The following ARHGEF40 variants were observed in gnomAD, a reference collection of about 807,000 sequenced individuals.
The protein encoded by ARHGEF40 is Rho guanine nucleotide exchange factor 40, also known as Rho guanine nucleotide exchange factor (GEF) 40.
A neutral mutation model predicts 165.9 loss-of-function variants in ARHGEF40; 98 were observed. The ratio of observed to expected loss-of-function variants is 0.59; its 90% CI spans 0.50 to 0.70. The LOEUF is 0.70. Ranked by LOEUF, ARHGEF40 falls within the 30% of genes least tolerant of loss-of-function variation. The pLI is 0.00. For missense variants in ARHGEF40, 1,815 were observed against 1,968.0 expected (o/e 0.92, Z 1.47); for synonymous variants, 792 against 814.3 (o/e 0.97, Z 0.47).
chr14:21,081,043 GC>G (rs535597382), intron 13 of ARHGEF40, 27 bp downstream of exon 13: 117 of 1,596,128 alleles, frequency 7.3e-5, no homozygotes, highest in Non-Finnish European at 9.7e-5. Flanking sequence ...TTCCTTCTGT[GC>G]CCCCCCATTT....
chr14:21,085,990 G>A, intron 19 of ARHGEF40, 124 bp downstream of exon 19: 1 of 1,129,386 alleles, frequency 8.9e-7, no homozygotes, highest in South Asian at 1.6e-5. Context: ...CTTATAATAA[G>A]ATTCAAGATT....
At chr14:21,078,333 T>C in intron 9 of ARHGEF40, 40 bp from the exon 10 acceptor site, 1 of 1,597,586 alleles carries the variant, frequency 6.3e-7, no homozygotes, top group Non-Finnish European at 8.5e-7. Flanking sequence ...GTGGAGACTC[T>C]CTGGTGGAAC....
intron 16 of ARHGEF40, 72 bp from the exon 17 acceptor site, chr14:21,083,762 AC>A (rs1190915997): frequency 6.3e-6 from 9 of 1,420,502 alleles, no homozygotes; most frequent in South Asian, 2.6e-5. Context: ...TCACCCACCT[AC>A]CCCCCAACCC....
At chr14:21,087,811 T>A in intron 21 of ARHGEF40, 157 bp from the exon 22 acceptor site, 1 of 967,066 alleles carries the variant, frequency 1.0e-6, no homozygotes, top group Non-Finnish European at 1.6e-6. Flanking sequence ...GACAATTTCC[T>A]GCCTCTTGGT....
Position 21,086,361 on chromosome 14 carries a change from G to T in ARHGEF40, c.4138+495G>T, listed in dbSNP as rs533703499. 1.6e-4 allele frequency: 25 copies of T among 154,780 alleles called. No homozygotes were observed. The South Asian group carries it at 4.7e-3, about 29-fold the overall frequency. 9.6% of individuals were successfully genotyped at this position (154,780 alleles called of 1,614,324 possible). On this transcript the variant is annotated intron_variant, in intron 19 of 23. Transcript: ENST00000298694. ...ACTGTACTTGAGCCTGAGTGACAGA[G>T]CAAGACTCTGTCTTTAAAGGATTTT...
chr14:21,081,656 G>A lies in ARHGEF40; in HGVS notation c.2788G>A (p.Gly930Ser), dbSNP rs1290304543. ...QEMRALALDL[G>S]SPAALREWGR... The stretch of plus-strand genomic sequence containing the variant: ...GATGCGGGCCCTGGCCCTGGACCTG[G>A]GCAGCCCAGCAGCCCTGCGAGAATG... Residue 930 changes from glycine (G) to serine (S), a missense_variant, in exon 14 of 24, where the codon GGC becomes AGC. Transcript: ENST00000298694. 1 of 1,605,794 alleles carries A rather than the reference G, an allele frequency of 6.2e-7. No homozygotes were observed. Among genetic ancestry groups the A allele is most frequent in the Non-Finnish European group, 8.5e-7 (1 of 1,176,762 alleles).
chr14:21,071,668 C>T (rs192950455), intron 1 of ARHGEF40, among the ~76,000 whole-genome samples: 1 of 152,002 alleles, frequency 6.6e-6, no homozygotes, highest in Non-Finnish European at 1.5e-5. Flanking sequence ...GCCATGAGCT[C>T]ACCGCCCCTA....
chr14:21,079,959 G>A (rs1301073271), intron 11 of ARHGEF40, among the ~76,000 whole-genome samples: 2 of 152,024 alleles, frequency 1.3e-5, no homozygotes, highest in East Asian at 1.9e-4. Flanking sequence ...TATAGAATGC[G>A]GATGGTAACA....
In ARHGEF40 at chr14:21,070,899, G is replaced by C. The variant is rs769845058; in HGVS notation, c.3+500G>C. On this transcript the variant is annotated intron_variant, in intron 1 of 23. Coordinates refer to ENST00000298694, the MANE Select transcript of ARHGEF40 (RefSeq NM_018071.5). The surrounding 1 kb of genome is among the most constrained non-coding windows in gnomAD (Gnocchi z 4.7). Reference sequence around the variant, plus strand: ...CAGGCCCACCCATCCGGCCCTAGGGGACTGGCCACAGCTGTGGCTGGGCCG... The same window carrying C: ...CAGGCCCACCCATCCGGCCCTAGGGCACTGGCCACAGCTGTGGCTGGGCCG... The C allele has an allele frequency of 1.2e-5, 18 of 1,530,586 alleles. No homozygotes were observed. In the South Asian group the frequency reaches 2.0e-4, roughly 17 times the overall value. The allele number at this position is 1,530,586 out of a possible 1,614,324, so 94.8% of individuals were successfully genotyped here.
Position 21,075,264 on chromosome 14 carries a change from T to G in ARHGEF40, c.1451-68T>G, listed in dbSNP as rs1264933481. The G allele has an allele frequency of 1.9e-6, 3 of 1,597,096 alleles. No homozygotes were observed. The highest frequency in any genetic ancestry group is 2.6e-6 in the Non-Finnish European group (3 of 1,172,002). Reference sequence around the variant, plus strand: ...GAGGGGGCAGGAGGAGGAGCAGGGTTAGGCTGGGAGCAGAACAACCAGAAC... The same window carrying G: ...GAGGGGGCAGGAGGAGGAGCAGGGTGAGGCTGGGAGCAGAACAACCAGAAC... On this transcript the variant is annotated intron_variant, in intron 3 of 23. Transcript: ENST00000298694. The surrounding 1 kb of genome is among the most constrained non-coding windows in gnomAD (Gnocchi z 4.5).
chr14:21,074,320 A>G lies in ARHGEF40; in HGVS notation c.590A>G (p.Gln197Arg). Reference sequence around the variant, plus strand: ...AAAGAGGGCCTCATGGTTGGACATCAGCCAAGTACACTGCCCCCAGAACTG... The same window carrying G: ...AAAGAGGGCCTCATGGTTGGACATCGGCCAAGTACACTGCCCCCAGAACTG... ...VHKEGLMVGH[Q>R]PSTLPPELPS... The change falls in exon 3 of 24, where the codon CAG becomes CGG. Residue 197 changes from glutamine (Q) to arginine (R), a missense_variant. Transcript: ENST00000298694. This position sits in a 1 kb window ranked among gnomAD's most constrained non-coding sequence, Gnocchi z 4.8. The G allele has an allele frequency of 6.2e-7, 1 of 1,614,128 alleles. No individual in the cohort carries two copies. The highest frequency in any genetic ancestry group is 8.5e-7 in the Non-Finnish European group (1 of 1,180,004).
rs1887295361 is a variant in ARHGEF40 at position 21,075,089 on chromosome 14, G to C, written c.1359G>C (p.Glu453Asp). ...CAAAAGAGCTCAAAACAGCAGGCGAGAAAGAGCCTCAGCTCTCTGAAGCCT... is the reference window on the plus strand; with the variant it reads ...CAAAAGAGCTCAAAACAGCAGGCGACAAAGAGCCTCAGCTCTCTGAAGCCT... The part of the protein sequence containing the change: ...SEPKELKTAG[E>D]KEPQLSEACG... Residue 453 changes from glutamate to aspartate, a missense_variant, in exon 3 of 24, where the codon GAG (glutamate) becomes GAC (aspartate). Transcript: ENST00000298694. This position sits in a 1 kb window ranked among gnomAD's most constrained non-coding sequence, Gnocchi z 4.5. The C allele has an allele frequency of 1.9e-6, 3 of 1,614,002 alleles. No individual in the cohort carries two copies. The highest frequency in any genetic ancestry group is 2.2e-5 in the South Asian group (2 of 91,088).
At chr14:21,064,299 C>T in the ARHGEF40 span, among the ~76,000 whole-genome samples, 1 of 146,244 alleles carries the variant, frequency 6.8e-6, no homozygotes, top group African/African-American at 2.5e-5. Flanking sequence ...CACTTGATGC[C>T]TTTTTTTTTT....
At position 21,075,096 on chromosome 14, in the gene ARHGEF40, C is replaced by T. The variant is rs1251789464; in HGVS notation, c.1366C>T (p.Pro456Ser). The change falls in exon 3 of 24, where the codon CCT (proline) becomes TCT (serine). Residue 456 changes from proline (P) to serine (S), a missense_variant. Transcript: ENST00000298694. The surrounding 1 kb of genome is among the most constrained non-coding windows in gnomAD (Gnocchi z 4.5). ...KELKTAGEKE[P>S]QLSEACGPTE... ...GCTCAAAACAGCAGGCGAGAAAGAG[C>T]CTCAGCTCTCTGAAGCCTGTGGGCC... The T allele has an allele frequency of 6.2e-7, 1 of 1,614,048 alleles. No homozygotes were observed. Among genetic ancestry groups the T allele is most frequent in the Admixed American group, 1.7e-5 (1 of 60,024 alleles).
At position 21,074,838 on chromosome 14, in the gene ARHGEF40, G is replaced by A. The variant is rs755535404; in HGVS notation, c.1108G>A (p.Gly370Ser). 6.2e-6 allele frequency: 10 copies of A among 1,609,184 alleles called. No individual in the cohort carries two copies. Among genetic ancestry groups the A allele is most frequent in the South Asian group, 1.1e-5 (1 of 90,540 alleles). ...GGGQGAEGPP[G>S]TPRRTGKGNR... ...AGGCCAGGGGGCTGAAGGACCACCT[G>A]GTACCCCTCGGAGAACAGGCAAAGG... Residue 370 changes from glycine (G) to serine (S), a missense_variant, in exon 3 of 24, where the codon GGT (glycine) becomes AGT (serine). Gly to Ser is a moderately conservative substitution (Grantham distance 56). Coordinates refer to ENST00000298694, the MANE Select transcript of ARHGEF40 (RefSeq NM_018071.5). This position sits in a 1 kb window ranked among gnomAD's most constrained non-coding sequence, Gnocchi z 4.8.
intron 8 of ARHGEF40, among the ~76,000 whole-genome samples, chr14:21,077,754 T>A (rs1369117757): frequency 6.6e-6 from 1 of 152,212 alleles, no homozygotes; most frequent in Non-Finnish European, 1.5e-5. Context: ...AAACATGATC[T>A]GAGCTGAGTA....
chr14:21,076,458 T>A lies in ARHGEF40; in HGVS notation c.1836+2T>A. 6.2e-7 allele frequency: 1 copy of A among 1,614,102 alleles called. No individual in the cohort carries two copies. The highest frequency in any genetic ancestry group is 8.5e-7 in the Non-Finnish European group (1 of 1,180,032). ...ATTCCTGCCTTGAGCCAACTTCAGGTAACCACCCCTCAAACAGGCAGTTCC... is the reference window on the plus strand; with the variant it reads ...ATTCCTGCCTTGAGCCAACTTCAGGAAACCACCCCTCAAACAGGCAGTTCC... On this transcript the variant is annotated splice_donor_variant, in intron 6 of 23. Coordinates refer to ENST00000298694, the MANE Select transcript of ARHGEF40 (RefSeq NM_018071.5). LOFTEE classifies it high-confidence loss of function.
upstream of ARHGEF40, among the ~76,000 whole-genome samples, chr14:21,066,112 A>G (rs1309389496): frequency 6.6e-6 from 1 of 152,060 alleles, no homozygotes. Context: ...AATAACAACA[A>G]CAACAACAAA....
chr14:21,064,616 A>G, the ARHGEF40 span, among the ~76,000 whole-genome samples: 5 of 152,234 alleles, frequency 3.3e-5, no homozygotes, highest in Non-Finnish European at 7.3e-5. Context: ...TGATGCTTTA[A>G]CTAAAGACAA....
Sources: allele counts gnomAD v4.1 joint callset (sites outside exome capture counted in the v4.1 genomes callset), GRCh38; gene constraint gnomAD v4.1.1; non-coding constraint Gnocchi (gnomAD v3.1); transcripts MANE v1.5; gene names NCBI Gene and HGNC (gene_info 2026-07-23, HGNC 2026-07-21).